The following SLC24A5 variants were observed in gnomAD, a reference collection of about 807,000 sequenced individuals.
SLC24A5 encodes the protein solute carrier family 24 member 5.
Under a neutral mutation model 51.6 loss-of-function variants are expected in SLC24A5, and 46 were observed. That is an observed-to-expected ratio of 0.89 (90% CI 0.70 to 1.14). The LOEUF (loss-of-function observed/expected upper bound fraction) is 1.14. Among genes scored for constraint, SLC24A5 ranks in the 50% most tolerant of loss-of-function variants. The pLI, the probability that SLC24A5 is intolerant of heterozygous loss-of-function variation, is 0.00. For synonymous variants in SLC24A5, 230 were observed against 214.9 expected (o/e 1.07, Z -0.62); for missense variants, 581 against 604.1 (o/e 0.96, Z 0.40).
intron 6 of SLC24A5, chr15:48,137,173 A>G: frequency 1.9e-6 from 1 of 520,048 alleles, no homozygotes; most frequent in Non-Finnish European, 3.3e-6. Context: ...TACCATAAAA[A>G]GAGAAAAATA....
intron 7 of SLC24A5, chr15:48,140,394 A>T (rs557169128): frequency 6.6e-5 from 10 of 152,300 alleles, no homozygotes; most frequent in African/African-American, 2.4e-4. Context: ...GAGAAAGAAA[A>T]AAAAGACGCT....
chr15:48,136,648 C>A, intron 5 of SLC24A5, 35 bp from the exon 6 acceptor site: 1 of 1,556,774 alleles, frequency 6.4e-7, no homozygotes, highest in East Asian at 2.3e-5. Context: ...ATGACTTTCA[C>A]TTTTAATTTA....
intron 8 of SLC24A5, 46 bp from the exon 9 acceptor site, chr15:48,141,983 C>A: frequency 7.6e-7 from 1 of 1,322,028 alleles, no homozygotes; most frequent in Admixed American, 2.3e-5. Flanking sequence ...ATTAATAAAA[C>A]ACAGTATTGG....
At chr15:48,137,101 C>G in intron 6 of SLC24A5, 138 bp downstream of exon 6, 1 of 895,532 alleles carries the variant, frequency 1.1e-6, no homozygotes, top group Non-Finnish European at 1.6e-6. Flanking sequence ...GACCAAGTCC[C>G]TACCTTTAAG....
At chr15:48,127,587 G>C (rs985884208) in intron 2 of SLC24A5, among the ~76,000 whole-genome samples, 1 of 151,602 alleles carries the variant, frequency 6.6e-6, no homozygotes, top group Non-Finnish European at 1.5e-5. Flanking sequence ...GGGAGTCCAA[G>C]GTGGGTGGAT....
At position 48,134,280 on chromosome 15, in the gene SLC24A5, T is replaced by C; in HGVS notation, c.324T>C (p.Val108=). Residue 108 remains valine (V), a synonymous_variant, in exon 3 of 9, where the codon GTT becomes GTC. Transcript: ENST00000341459. ...CAGCCCTTGGATTGTCTCAGGATGTTGCAGGCACAACTTTCATGGCAGCGG... is the reference window on the plus strand; with the variant it reads ...CAGCCCTTGGATTGTCTCAGGATGTCGCAGGCACAACTTTCATGGCAGCGG... ...ISESLGLSQD[V]AGTTFMAAGS... 6.2e-7 allele frequency: 1 copy of C among 1,613,662 alleles called. No individual in the cohort carries two copies.
rs762918916 is a variant in SLC24A5, at chr15:48,141,188, T to C, written c.1154T>C (p.Ile385Thr). The part of the protein sequence containing the change: ...LAAGTSIPDT[I>T]ASVLVARKGK... ...GCAGGAACAAGCATACCAGACACAA[T>C]TGCAAGTGTGTTGGTTGCAAGAAAA... Residue 385 changes from isoleucine to threonine, a missense_variant, in exon 8 of 9, where the codon ATT (isoleucine) becomes ACT (threonine). By Grantham distance (89) the Ile-to-Thr change is moderately conservative (BLOSUM62 -1). Transcript: ENST00000341459. 1.3e-5 allele frequency: 21 copies of C among 1,613,686 alleles called. No homozygotes were observed. Among genetic ancestry groups the C allele is most frequent in the Non-Finnish European group, 1.8e-5 (21 of 1,179,758 alleles).
At chr15:48,131,597 G>T (rs1458861938) in intron 2 of SLC24A5, among the ~76,000 whole-genome samples, 1 of 152,028 alleles carries the variant, frequency 6.6e-6, no homozygotes, top group Non-Finnish European at 1.5e-5. Context: ...CACCATGAGT[G>T]GAAGCAGCCT....
intron 6 of SLC24A5, 95 bp downstream of exon 6, chr15:48,137,058 TAAA>T (rs1487924506): frequency 5.3e-6 from 7 of 1,315,832 alleles, no homozygotes; most frequent in Non-Finnish European, 7.2e-6. Flanking sequence ...GCTTTTTATG[TAAA>T]AAAGACTGTG....
Position 48,121,108 on chromosome 15 carries a change from A to AC in SLC24A5, c.65dup (p.Ala23CysfsTer21). ...TCTGTTGCTCGGCATCCTGTGGGCC[A>AC]CTGCACATCTGCCTCTCTCAGGGAC... On this transcript the variant is annotated frameshift_variant, in exon 1 of 9. Transcript: ENST00000341459. LOFTEE classifies it high-confidence loss of function. 6.2e-7 allele frequency: 1 copy of AC among 1,613,930 alleles called. No individual in the cohort carries two copies. The highest frequency in any genetic ancestry group is 8.5e-7 in the Non-Finnish European group (1 of 1,179,916).
intron 7 of SLC24A5, chr15:48,139,909 T>C (rs1413599475): frequency 6.6e-6 from 1 of 152,134 alleles, no homozygotes; most frequent in Non-Finnish European, 1.5e-5. Flanking sequence ...ATATTATCTA[T>C]GATTGTTTTC....
chr15:48,141,277 C>T, intron 8 of SLC24A5, 63 bp downstream of exon 8: 8 of 1,363,498 alleles, frequency 5.9e-6, no homozygotes, highest in Non-Finnish European at 8.3e-6. Context: ...GTAAAAGTAG[C>T]TTTAAAAATG....
intron 6 of SLC24A5, 69 bp downstream of exon 6, chr15:48,137,032 T>G: frequency 1.1e-5 from 16 of 1,471,846 alleles, no homozygotes; most frequent in Non-Finnish European, 1.5e-5. Context: ...TCATTTCAAT[T>G]CAGCAAGTAT....
chr15:48,123,461 A>G (rs981902851), intron 2 of SLC24A5: 3 of 152,098 alleles, frequency 2.0e-5, no homozygotes, highest in Non-Finnish European at 2.9e-5. Context: ...AATATTTTAT[A>G]GTGCACATTT....
chr15:48,129,620 A>G (rs1286002260), intron 2 of SLC24A5, among the ~76,000 whole-genome samples: 1 of 152,160 alleles, frequency 6.6e-6, no homozygotes, highest in Non-Finnish European at 1.5e-5. Flanking sequence ...AAAGGACTAG[A>G]CACATTGAAA....
In SLC24A5 at chr15:48,138,734, T is replaced by C. The variant is rs552870439; in HGVS notation, c.872-235T>C. 6 of 457,706 alleles carry C rather than the reference T, an allele frequency of 1.3e-5. No individual in the cohort carries two copies. The South Asian group carries it at 1.5e-4, about 12-fold the overall frequency. The allele number at this position is 457,706 out of a possible 1,614,324, so 28.4% of individuals were successfully genotyped here. The stretch of plus-strand genomic sequence containing the variant: ...TAACGAATGGCCCAAGACATTTTTA[T>C]AGATTTAAGGCCCCAAATAAAGAAA... On this transcript the variant is annotated intron_variant, in intron 6 of 8. Coordinates refer to ENST00000341459, the MANE Select transcript of SLC24A5 (RefSeq NM_205850.3).
chr15:48,134,087 AATG>A (rs1323891373), intron 2 of SLC24A5, among the ~76,000 whole-genome samples, 168 bp from the exon 3 acceptor site: 2 of 152,098 alleles, frequency 1.3e-5, no homozygotes, highest in East Asian at 3.8e-4. Flanking sequence ...AGCATTAAGT[AATG>A]AAGTCATAAA....
In SLC24A5 at chr15:48,142,411, C is replaced by A. The variant is rs2039124720; in HGVS notation, c.*60C>A. On this transcript the variant is annotated 3_prime_UTR_variant, in exon 9 of 9. Coordinates refer to ENST00000341459, the MANE Select transcript of SLC24A5 (RefSeq NM_205850.3). ...GCAGGGAGGGGCAGAGAGAAAAATC[C>A]ATTTCTTCATTTAAATCAAATTTTA... 8.4e-7 allele frequency: 1 copy of A among 1,184,524 alleles called. No individual in the cohort carries two copies. Among genetic ancestry groups the A allele is most frequent in the Non-Finnish European group, 1.2e-6 (1 of 868,118 alleles). The allele number at this position is 1,184,524 out of a possible 1,614,324, so 73.4% of individuals were successfully genotyped here.
rs200523987 is a variant in SLC24A5, at chr15:48,134,526, G to T, written c.477G>T (p.Leu159Phe). The change falls in exon 4 of 9, where the codon TTG becomes TTT. Residue 159 changes from leucine (L) to phenylalanine (F), a missense_variant. By Grantham distance (22) the Leu-to-Phe change is conservative. Coordinates refer to ENST00000341459, the MANE Select transcript of SLC24A5 (RefSeq NM_205850.3). ...NLLGICAACG[L>F]LSNTVSTLSC... ...TTGGCATCTGTGCTGCCTGTGGTTTGCTATCTAATACGGTATGTAACAAAA... is the reference window on the plus strand; with the variant it reads ...TTGGCATCTGTGCTGCCTGTGGTTTTCTATCTAATACGGTATGTAACAAAA... 50 of 1,612,212 alleles carry T rather than the reference G, an allele frequency of 3.1e-5. No homozygotes were observed. The highest frequency in any genetic ancestry group is 3.9e-5 in the Non-Finnish European group (46 of 1,178,598).
Sources: gnomAD v4.1 joint callset for allele counts (sites outside exome capture counted in the v4.1 genomes callset) on GRCh38, gnomAD v4.1.1 for gene constraint, MANE v1.5 for transcripts, NCBI Gene and HGNC (gene_info 2026-07-23, HGNC 2026-07-21) for gene names.